Variants in GHR observed in about 807,000 individuals in gnomAD.
GHR encodes the protein GH receptor.
A neutral mutation model predicts 67.1 loss-of-function variants in GHR; 35 were observed. The observed-to-expected ratio is 0.52, with a 90% confidence interval of 0.40 to 0.69. The LOEUF is 0.69. GHR is among the 30% of genes least tolerant of loss of function. The pLI is 0.00. For missense variants in GHR, 792 were observed against 764.6 expected (o/e 1.04, Z -0.42); for synonymous variants, 272 against 269.1 (o/e 1.01, Z -0.10).
At chr5:42,674,782 G>C (rs759302562) in intron 3 of GHR, among the ~76,000 whole-genome samples, 1 of 151,954 alleles carries the variant, frequency 6.6e-6, no homozygotes, top group African/African-American at 2.4e-5. Flanking sequence ...CTACTTTTCT[G>C]TTATTTTAAA....
At chr5:42,590,567 C>A (rs1413420028) in intron 2 of GHR, among the ~76,000 whole-genome samples, 1 of 152,204 alleles carries the variant, frequency 6.6e-6, no homozygotes, top group Non-Finnish European at 1.5e-5. Flanking sequence ...AACCACAGAT[C>A]ATTCAGTTTT....
At chr5:42,671,939 G>A (rs1351233129) in intron 3 of GHR, among the ~76,000 whole-genome samples, 4 of 126,486 alleles carry the variant, frequency 3.2e-5, no homozygotes, top group South Asian at 2.7e-4. Flanking sequence ...CTGGGCGACA[G>A]AGCAAGACTC....
intron 1 of GHR, among the ~76,000 whole-genome samples, chr5:42,505,263 T>C (rs1228399785): frequency 6.6e-6 from 1 of 152,124 alleles, no homozygotes; most frequent in Non-Finnish European, 1.5e-5. Context: ...TTCTATTTCT[T>C]AAACTGAGGA....
At chr5:42,534,188 A>G (rs547285119) in intron 1 of GHR, among the ~76,000 whole-genome samples, 5 of 145,634 alleles carry the variant, frequency 3.4e-5, no homozygotes, top group Admixed American at 1.4e-4. Flanking sequence ...GTATGTATAT[A>G]TGTACATGTG....
chr5:42,425,326 A>G (rs1393337886), intron 1 of GHR, among the ~76,000 whole-genome samples: 1 of 152,156 alleles, frequency 6.6e-6, no homozygotes, highest in Non-Finnish European at 1.5e-5. Context: ...AGAGGTATTC[A>G]GGCTCCCTGG....
intron 1 of GHR, among the ~76,000 whole-genome samples, chr5:42,534,472 ATGTATATG>A (rs1173799690): frequency 7.5e-6 from 1 of 133,746 alleles, no homozygotes; most frequent in Non-Finnish European, 1.5e-5. Flanking sequence ...ATATGTACAT[ATGTATATG>A]TGTATATATG....
At chr5:42,623,681 C>G (rs927503342) in intron 2 of GHR, among the ~76,000 whole-genome samples, 1 of 152,226 alleles carries the variant, frequency 6.6e-6, no homozygotes, top group African/African-American at 2.4e-5. Flanking sequence ...TGCTTGACCA[C>G]TCTTCCTTTA....
chr5:42,434,750 G>A (rs980895101), intron 1 of GHR, among the ~76,000 whole-genome samples: 1 of 152,146 alleles, frequency 6.6e-6, no homozygotes, highest in African/African-American at 2.4e-5. Context: ...GAGATAACTG[G>A]TACTTGACCA....
intron 2 of GHR, among the ~76,000 whole-genome samples, chr5:42,585,450 G>A (rs1187750131): frequency 6.8e-6 from 1 of 147,698 alleles, no homozygotes; most frequent in African/African-American, 2.5e-5. Flanking sequence ...TGACTAGATA[G>A]CTAAAGGCTG....
rs140930750 is a variant in GHR at position 42,599,680 on chromosome 5, A to T, written c.71-29358A>T. 4.3e-3 allele frequency among the ~76,000 whole-genome samples: 650 copies of T among 152,240 alleles called. 4 individuals carry two copies. Among genetic ancestry groups the T allele is most frequent in the African/African-American group, 0.015 (629 of 41,534 alleles). ...ACGCCTGGCCCACACCACATTTGTA[A>T]GCAGATGAATTGGTTATTTTTAAAA... On this transcript the variant is annotated intron_variant, in intron 2 of 9. Coordinates refer to ENST00000230882, the MANE Select transcript of GHR (RefSeq NM_000163.5).
chr5:42,677,827 A>G (rs1454530494), intron 3 of GHR, among the ~76,000 whole-genome samples: 3 of 152,312 alleles, frequency 2.0e-5, no homozygotes, highest in Non-Finnish European at 2.9e-5. Flanking sequence ...TTGGACACCT[A>G]TACTTTGGAT....
intron 1 of GHR, chr5:42,467,929 A>G: frequency 1.4e-6 from 1 of 727,522 alleles, no homozygotes; most frequent in East Asian, 2.5e-5. Context: ...AGTGACAGTC[A>G]TTCACTATGA....
chr5:42,558,831 A>G (rs1412858165), intron 1 of GHR, among the ~76,000 whole-genome samples: 1 of 152,262 alleles, frequency 6.6e-6, no homozygotes, highest in African/African-American at 2.4e-5. Context: ...CTGTAATCAC[A>G]TTTAAAAAAT....
At chr5:42,549,604 G>T in intron 1 of GHR, 3 of 841,504 alleles carry the variant, frequency 3.6e-6, no homozygotes, top group Non-Finnish European at 4.3e-6. Context: ...ATAGGAGGCA[G>T]CAGGGCCAGA....
intron 3 of GHR, among the ~76,000 whole-genome samples, chr5:42,667,201 C>T (rs1448594715): frequency 6.6e-6 from 1 of 152,144 alleles, no homozygotes; most frequent in Non-Finnish European, 1.5e-5. Context: ...AAGGTCGAAC[C>T]TCCCTGGGAG....
chr5:42,450,758 T>G (rs779636955), intron 1 of GHR, among the ~76,000 whole-genome samples: 5 of 152,144 alleles, frequency 3.3e-5, no homozygotes, highest in Non-Finnish European at 7.4e-5. Context: ...ACTTTTTGAT[T>G]TAGGCATTTA....
chr5:42,716,565 C>T (rs967854675), intron 8 of GHR, among the ~76,000 whole-genome samples: 9 of 152,042 alleles, frequency 5.9e-5, no homozygotes, highest in African/African-American at 2.2e-4. Context: ...CAGATTTGGC[C>T]CACAGACCTT....
rs117509768 is a variant in GHR at position 42,499,308 on chromosome 5, G to A, written c.-11-66556G>A. ...TAGCTGGGTAGGGAATTGACAAGTTGAACCACAAGTTGACTACTGTTCAGT... is the reference window on the plus strand; with the variant it reads ...TAGCTGGGTAGGGAATTGACAAGTTAAACCACAAGTTGACTACTGTTCAGT... On this transcript the variant is annotated intron_variant, in intron 1 of 9. Transcript: ENST00000230882. 8.5e-5 allele frequency among the ~76,000 whole-genome samples: 13 copies of A among 152,254 alleles called. No individual in the cohort carries two copies. The East Asian group carries it at 2.3e-3, about 27-fold the overall frequency.
At chr5:42,467,502 A>G (rs1258882099) in intron 1 of GHR, 1 of 1,112,770 alleles carries the variant, frequency 9.0e-7, no homozygotes, top group East Asian at 2.4e-5. Context: ...TCTGGTGCCG[A>G]GCAAGTTGTG....
Sources: gnomAD v4.1 joint callset for allele counts (sites outside exome capture counted in the v4.1 genomes callset) on GRCh38, gnomAD v4.1.1 for gene constraint, MANE v1.5 for transcripts, NCBI Gene and HGNC (gene_info 2026-07-23, HGNC 2026-07-21) for gene names.